Variants in SPIN1 observed in about 807,000 individuals in gnomAD.
SPIN1 encodes the protein spindlin-1.
A neutral mutation model predicts 26.0 loss-of-function variants in SPIN1; 3 were observed. The ratio of observed to expected loss-of-function variants is 0.12; its 90% CI spans 0.05 to 0.30. The LOEUF (loss-of-function observed/expected upper bound fraction) is 0.30, where lower values mean the gene tolerates loss of function less well. SPIN1 is among the 10% of genes least tolerant of loss of function. The pLI, the probability that SPIN1 is intolerant of heterozygous loss-of-function variation, is 1.00. For synonymous variants in SPIN1, 101 were observed against 116.5 expected (o/e 0.87, Z 0.86); for missense variants, 126 against 333.4 (o/e 0.38, Z 4.84).
At chr9:88,458,099 A>T in intron 3 of SPIN1, 1 of 619,056 alleles carries the variant, frequency 1.6e-6, no homozygotes, top group Non-Finnish European at 2.0e-6. Context: ...GGTATAATAT[A>T]TGCAAAGTTA....
At chr9:88,436,564 A>AAC (rs1828002297) in intron 2 of SPIN1, among the ~76,000 whole-genome samples, 1 of 152,054 alleles carries the variant, frequency 6.6e-6, no homozygotes, top group Admixed American at 6.6e-5. Flanking sequence ...CACTACCCTG[A>AAC]AAATCCCTTG....
At position 88,451,555 on chromosome 9, in the gene SPIN1, T is replaced by TTTTG. The variant is rs904140153; in HGVS notation, c.101+2582_101+2585dup. Among the ~76,000 whole-genome samples the TTTTG allele has an allele frequency of 1.3e-3, 195 of 152,252 alleles. 1 individual carries two copies. The highest frequency in any genetic ancestry group is 4.3e-3 in the African/African-American group (180 of 41,560). On this transcript the variant is annotated intron_variant, in intron 3 of 5. Coordinates refer to ENST00000375859, the MANE Select transcript of SPIN1 (RefSeq NM_006717.3). ...ATTTGCATTAAAAGTACGTCTGTTT[T>TTTTG]TTTGTTTGTTTGTTTGTTTTTGAAA... is the stretch of plus-strand genomic sequence containing the variant.
intron 3 of SPIN1, among the ~76,000 whole-genome samples, chr9:88,453,274 A>G (rs1212052709): frequency 6.6e-6 from 1 of 152,150 alleles, no homozygotes; most frequent in Non-Finnish European, 1.5e-5. Context: ...AATGTTTCCT[A>G]CAATCTCAGT....
intron 1 of SPIN1, among the ~76,000 whole-genome samples, chr9:88,393,451 T>TG (rs1564019709): frequency 4.9e-5 from 5 of 102,310 alleles, no homozygotes; most frequent in Non-Finnish European, 9.3e-5. Context: ...TTGGGTTTTT[T>TG]TTTTTTTTTT....
chr9:88,390,628 T>G (rs917134048), intron 1 of SPIN1, among the ~76,000 whole-genome samples: 1 of 152,254 alleles, frequency 6.6e-6, no homozygotes, highest in African/African-American at 2.4e-5. Flanking sequence ...CAATGTGTCT[T>G]CTTTCCCTTT....
intron 2 of SPIN1, among the ~76,000 whole-genome samples, chr9:88,445,130 G>C (rs1381329388): frequency 1.3e-5 from 2 of 152,236 alleles, no homozygotes; most frequent in Non-Finnish European, 1.5e-5. Context: ...GTGGGGTTGT[G>C]TGTAAGTTGG....
At chr9:88,460,498 T>G (rs1368960577) in intron 3 of SPIN1, among the ~76,000 whole-genome samples, 1 of 152,104 alleles carries the variant, frequency 6.6e-6, no homozygotes, top group African/African-American at 2.4e-5. Flanking sequence ...TGAAGGAGAT[T>G]TATTATGAGG....
intron 5 of SPIN1, among the ~76,000 whole-genome samples, chr9:88,469,574 G>T (rs1419017657): frequency 2.0e-5 from 3 of 149,924 alleles, no homozygotes; most frequent in Non-Finnish European, 4.4e-5. Flanking sequence ...GAGTGTAATG[G>T]TGTGGTCTTG....
At chr9:88,411,378 T>C in intron 1 of SPIN1, 3 of 1,588,398 alleles carry the variant, frequency 1.9e-6, no homozygotes, top group Non-Finnish European at 2.6e-6. Flanking sequence ...CTCCTCAGGC[T>C]CTCATCGGTT....
rs954432736 is a variant in SPIN1, at chr9:88,475,717, CAG to C, written c.*442_*443del. ...TGTATACATATATAATATATACACA[CAG>C]ATACAAGTGTACACACACACACCAC... is the stretch of plus-strand genomic sequence containing the variant. On this transcript the variant is annotated 3_prime_UTR_variant, in exon 6 of 6. Coordinates refer to ENST00000375859, the MANE Select transcript of SPIN1 (RefSeq NM_006717.3). 7 of 157,086 alleles carry C rather than the reference CAG, an allele frequency of 4.5e-5. No individual in the cohort carries two copies. The highest frequency in any genetic ancestry group is 1.7e-4 in the African/African-American group (7 of 41,384). 9.7% of individuals were successfully genotyped at this position (157,086 alleles called of 1,614,324 possible).
intron 4 of SPIN1, among the ~76,000 whole-genome samples, chr9:88,466,970 C>T (rs946272224): frequency 6.6e-6 from 1 of 152,182 alleles, no homozygotes; most frequent in Non-Finnish European, 1.5e-5. Context: ...CTTCTGGGCT[C>T]AAGTGATTCG....
At chr9:88,473,660 T>TGTGTGC (rs887908844) in intron 5 of SPIN1, among the ~76,000 whole-genome samples, 6 of 151,948 alleles carry the variant, frequency 3.9e-5, no homozygotes, top group African/African-American at 9.7e-5. Context: ...TGTGTGTGTG[T>TGTGTGC]GCACGCGCTA....
At chr9:88,464,493 G>A (rs763773149) in intron 4 of SPIN1, among the ~76,000 whole-genome samples, 2 of 152,194 alleles carry the variant, frequency 1.3e-5, no homozygotes, top group Admixed American at 6.5e-5. Flanking sequence ...GGTTCCCAAA[G>A]CAAGGCCTGG....
At chr9:88,396,256 A>T (rs964149964) in intron 1 of SPIN1, among the ~76,000 whole-genome samples, 3 of 151,482 alleles carry the variant, frequency 2.0e-5, no homozygotes, top group African/African-American at 7.3e-5. Context: ...AAAAAATTAC[A>T]TTTTTAAAAG....
intron 2 of SPIN1, among the ~76,000 whole-genome samples, chr9:88,443,879 G>A (rs1019461276): frequency 6.6e-6 from 1 of 152,106 alleles, no homozygotes; most frequent in African/African-American, 2.4e-5. Flanking sequence ...TCAGGAAATT[G>A]TAGGGGTCCT....
chr9:88,405,987 C>T (rs182731038), intron 1 of SPIN1, among the ~76,000 whole-genome samples: 13 of 148,170 alleles, frequency 8.8e-5, no homozygotes, highest in African/African-American at 3.2e-4. Context: ...CGCATGCCAC[C>T]GTGCCTGGCT....
intron 5 of SPIN1, among the ~76,000 whole-genome samples, chr9:88,472,455 A>C (rs1200069469): frequency 6.6e-6 from 1 of 151,622 alleles, no homozygotes; most frequent in African/African-American, 2.4e-5. Flanking sequence ...GCTGGTCTCG[A>C]TCTCCTGACC....
chr9:88,458,047 G>A (rs1415916696), intron 3 of SPIN1: 2 of 900,800 alleles, frequency 2.2e-6, no homozygotes, highest in Non-Finnish European at 2.7e-6. Flanking sequence ...AAAAGTATAG[G>A]TTTTGATTAA....
intron 2 of SPIN1, among the ~76,000 whole-genome samples, chr9:88,434,355 A>G (rs886356357): frequency 8.5e-6 from 1 of 117,538 alleles, no homozygotes; most frequent in Non-Finnish European, 1.6e-5. Context: ...TTTATTTTAT[A>G]AATTATAAAA....
Sources: allele counts gnomAD v4.1 joint callset (sites outside exome capture counted in the v4.1 genomes callset), GRCh38; gene constraint gnomAD v4.1.1; transcripts MANE v1.5; gene names NCBI Gene and HGNC (gene_info 2026-07-23, HGNC 2026-07-21).